The following ABCC12 variants were observed in gnomAD, a reference collection of about 807,000 sequenced individuals.
The protein encoded by ABCC12 is ATP binding cassette subfamily C member 12, also known as ATP-binding cassette sub-family C member 12.
Under a neutral mutation model 151.1 loss-of-function variants are expected in ABCC12, and 142 were observed. The ratio of observed to expected loss-of-function variants is 0.94; its 90% CI spans 0.82 to 1.08. The LOEUF is 1.08. Among genes scored for constraint, ABCC12 ranks in the 50% least tolerant of loss-of-function variants. The probability of loss-of-function intolerance (pLI) is 0.00; values close to 1 mark genes in which losing one functional copy is unlikely to be tolerated. For synonymous variants in ABCC12, 645 were observed against 646.4 expected (o/e 1.00, Z 0.03); for missense variants, 1,638 against 1,691.1 (o/e 0.97, Z 0.55).
In ABCC12 at chr16:48,085,514, C is replaced by T. The variant is rs113392022; in HGVS notation, c.3828+79G>A. 4,603 of 1,215,904 alleles carry T rather than the reference C, an allele frequency of 3.8e-3. 120 individuals carry two copies. In the African/African-American group the frequency reaches 0.058, roughly 15 times the overall value. The allele number at this position is 1,215,904 out of a possible 1,614,324, so 75.3% of individuals were successfully genotyped here. A position where few individuals can be genotyped will look rare whatever the true frequency, so the allele number is the denominator to read the frequency against. On this transcript the variant is annotated intron_variant, in intron 29 of 30. Coordinates refer to ENST00000311303, the MANE Select transcript of ABCC12 (RefSeq NM_001393797.1). Reference sequence around the variant, plus strand: ...CTGTCTCTTTGCTGAAAGACATACACGTGGCTCTGCCTCCTGGATTGAGTG... The same window carrying T: ...CTGTCTCTTTGCTGAAAGACATACATGTGGCTCTGCCTCCTGGATTGAGTG...
intron 7 of ABCC12, among the ~76,000 whole-genome samples, chr16:48,138,941 C>T (rs537576534): frequency 6.6e-6 from 1 of 152,156 alleles, no homozygotes; most frequent in East Asian, 1.9e-4. Flanking sequence ...TGCACTCCAG[C>T]CTGGGTGACA....
At chr16:48,107,018 G>A (rs534295970) in intron 20 of ABCC12, among the ~76,000 whole-genome samples, 5 of 152,324 alleles carry the variant, frequency 3.3e-5, no homozygotes, top group African/African-American at 1.2e-4. Context: ...AAACTTACAA[G>A]AGAGGCTGTG....
intron 24 of ABCC12, 26 bp from the exon 25 acceptor site, chr16:48,091,235 A>G (rs767760156): frequency 1.1e-5 from 18 of 1,607,828 alleles, no homozygotes; most frequent in Non-Finnish European, 1.4e-5. Context: ...GAGCAGCCGC[A>G]GTTAGAGCCC....
intron 27 of ABCC12, 76 bp downstream of exon 27, chr16:48,087,850 G>A: frequency 6.6e-7 from 1 of 1,504,884 alleles, no homozygotes; most frequent in Non-Finnish European, 9.1e-7. Context: ...CCATGCCCTG[G>A]GGACATCACA....
intron 11 of ABCC12, among the ~76,000 whole-genome samples, chr16:48,126,503 A>G (rs1415986455): frequency 2.0e-5 from 3 of 152,266 alleles, no homozygotes; most frequent in African/African-American, 4.8e-5. Flanking sequence ...AGAACACTTG[A>G]GGGCAGCACT....
intron 18 of ABCC12, among the ~76,000 whole-genome samples, chr16:48,110,770 A>C (rs4785405): frequency 3.3e-5 from 5 of 152,120 alleles, no homozygotes; most frequent in Admixed American, 3.3e-4. Context: ...CCTCCCTGAC[A>C]TGTTTGTTTC....
intron 1 of ABCC12, among the ~76,000 whole-genome samples, chr16:48,155,217 A>T (rs1267398246): frequency 6.6e-6 from 1 of 152,206 alleles, no homozygotes; most frequent in Non-Finnish European, 1.5e-5. Context: ...AAGTACCCTC[A>T]TCTCCCAGAA....
chr16:48,098,093 A>T (rs1343347834), intron 23 of ABCC12, among the ~76,000 whole-genome samples: 4 of 72,364 alleles, frequency 5.5e-5, no homozygotes, highest in Non-Finnish European at 3.1e-5. Flanking sequence ...CCCACCTGAC[A>T]CACACACACA....
chr16:48,104,459 C>T (rs1056334672), intron 21 of ABCC12, 91 bp from the exon 22 acceptor site: 1 of 1,218,968 alleles, frequency 8.2e-7, no homozygotes, highest in African/African-American at 1.5e-5. Context: ...GAGCACAGGG[C>T]CTGACCTTTT....
At chr16:48,114,453 G>C (rs1963805843) in intron 15 of ABCC12, among the ~76,000 whole-genome samples, 1 of 152,102 alleles carries the variant, frequency 6.6e-6, no homozygotes, top group African/African-American at 2.4e-5. Flanking sequence ...GCAAAGACCT[G>C]CTTCCTGCCC....
chr16:48,111,701 C>T (rs1480664966), intron 16 of ABCC12, 39 bp from the exon 17 acceptor site: 1 of 1,614,102 alleles, frequency 6.2e-7, no homozygotes, highest in South Asian at 1.1e-5. Flanking sequence ...TGCTAAGTGA[C>T]AGGACCTCTC....
chr16:48,121,906 T>G, intron 12 of ABCC12, 66 bp from the exon 13 acceptor site: 1 of 1,603,792 alleles, frequency 6.2e-7, no homozygotes, highest in Non-Finnish European at 8.5e-7. Flanking sequence ...AAATGCCCAT[T>G]GCACCCTGGC....
In ABCC12 at chr16:48,138,336, C is replaced by G. The variant is rs1011690657; in HGVS notation, c.871G>C (p.Ala291Pro). Reference sequence around the variant, plus strand: ...ACTCGCTTGTCTGTCACCAAAATTGCTGACCTTCGGAAAGCTGAATTGAGC... The same window carrying G: ...ACTCGCTTGTCTGTCACCAAAATTGGTGACCTTCGGAAAGCTGAATTGAGC... Reference protein sequence around the residue: ...AKLNSAFRRSAILVTDKRVQT... With the variant: ...AKLNSAFRRSPILVTDKRVQT... The change falls in exon 8 of 31, where the codon GCA becomes CCA. Residue 291 changes from alanine (A) to proline (P), a missense_variant. Transcript: ENST00000311303. 4 of 1,613,800 alleles carry G rather than the reference C, an allele frequency of 2.5e-6. No homozygotes were observed. In the African/African-American group the frequency reaches 5.3e-5, roughly 22 times the overall value.
intron 18 of ABCC12, 120 bp downstream of exon 18, chr16:48,111,316 G>T: frequency 8.2e-7 from 1 of 1,216,174 alleles, no homozygotes; most frequent in Admixed American, 1.8e-5. Context: ...CAGTACCCTA[G>T]ACCATCCAAT....
intron 14 of ABCC12, 150 bp from the exon 15 acceptor site, chr16:48,115,768 C>A (rs1440943698): frequency 1.2e-6 from 1 of 810,094 alleles, no homozygotes; most frequent in East Asian, 2.7e-5. Flanking sequence ...TACAGGGCCC[C>A]CGGTCACACG....
chr16:48,083,903 C>G lies in ABCC12; in HGVS notation c.3993+6G>C, dbSNP rs1264682137. The stretch of plus-strand genomic sequence containing the variant: ...GGGGAGGTGAAGCCAAAAGAGCTTC[C>G]TATACCTTCCCATTTTCCATAACCA... On this transcript the variant is annotated splice_donor_region_variant and intron_variant, in intron 30 of 30. Coordinates refer to ENST00000311303, the MANE Select transcript of ABCC12 (RefSeq NM_001393797.1). 2 of 1,611,988 alleles carry G rather than the reference C, an allele frequency of 1.2e-6. No homozygotes were observed. The highest frequency in any genetic ancestry group is 4.5e-5 in the East Asian group (2 of 44,880).
intron 20 of ABCC12, among the ~76,000 whole-genome samples, chr16:48,106,501 C>G (rs1209002018): frequency 6.6e-6 from 1 of 152,232 alleles, no homozygotes; most frequent in African/African-American, 2.4e-5. Context: ...CTCCAAACCT[C>G]GGGCTCTCCA....
At position 48,083,696 on chromosome 16, in the gene ABCC12, G is replaced by C; in HGVS notation, c.*19C>G. 6.2e-7 allele frequency: 1 copy of C among 1,613,214 alleles called. No individual in the cohort carries two copies. Reference sequence around the variant, plus strand: ...TCTCACAGAGCCTCTTCCTCCTCTAGAATCAGCCGCCAGGACCTCTACAAT... The same window carrying C: ...TCTCACAGAGCCTCTTCCTCCTCTACAATCAGCCGCCAGGACCTCTACAAT... On this transcript the variant is annotated 3_prime_UTR_variant, in exon 31 of 31. Transcript: ENST00000311303.
chr16:48,083,535 C>T lies in ABCC12; in HGVS notation c.*180G>A. ...CCACCCAGAACCAACCCCAAGCCCA[C>T]CAAGTGGGGTGACATGGACTGAGTA... On this transcript the variant is annotated 3_prime_UTR_variant, in exon 31 of 31. Coordinates refer to ENST00000311303, the MANE Select transcript of ABCC12 (RefSeq NM_001393797.1). 1.4e-6 allele frequency: 1 copy of T among 693,656 alleles called. No homozygotes were observed. 43.0% of individuals were successfully genotyped at this position (693,656 alleles called of 1,614,324 possible).
Sources: gnomAD v4.1 joint callset for allele counts (sites outside exome capture counted in the v4.1 genomes callset) on GRCh38, gnomAD v4.1.1 for gene constraint, MANE v1.5 for transcripts, NCBI Gene and HGNC (gene_info 2026-07-23, HGNC 2026-07-21) for gene names.